CCDC91: variants seen among roughly 807,000 people sequenced by gnomAD.
The protein encoded by CCDC91 is coiled-coil domain-containing protein 91.
A neutral mutation model predicts 63.2 loss-of-function variants in CCDC91; 48 were observed. The observed-to-expected ratio is 0.76, with a 90% CI of 0.60 to 0.97. CCDC91 has a LOEUF of 0.97. CCDC91 is among the 50% of genes least tolerant of loss of function. The pLI, the probability that CCDC91 is intolerant of heterozygous loss-of-function variation, is 0.00. For missense variants in CCDC91, 500 were observed against 494.6 expected (o/e 1.01, Z -0.10); for synonymous variants, 167 against 165.8 (o/e 1.01, Z -0.06).
intron 6 of CCDC91, among the ~76,000 whole-genome samples, chr12:28,354,431 T>G (rs1250410201): frequency 6.6e-6 from 1 of 152,134 alleles, no homozygotes; most frequent in African/African-American, 2.4e-5. Context: ...CTTAACTAAT[T>G]GTATCTACAA....
intron 8 of CCDC91, among the ~76,000 whole-genome samples, chr12:28,423,057 A>G (rs1948105476): frequency 1.3e-5 from 2 of 152,126 alleles, no homozygotes; most frequent in Non-Finnish European, 2.9e-5. Flanking sequence ...AAGAAAACAG[A>G]AACTCTAGAG....
rs1592931628 is a variant in CCDC91, at chr12:28,519,122, G to T, written c.1216-29941G>T. On this transcript the variant is annotated intron_variant, in intron 12 of 12. Transcript: ENST00000536442. ...TTTTGATAGGAATTGCATTGAATTT[G>T]TAGATTGCTTTTGGCAGTATGATCA... is the stretch of plus-strand genomic sequence containing the variant. Among the ~76,000 whole-genome samples the T allele has an allele frequency of 2.0e-5, 3 of 151,894 alleles. No homozygotes were observed. In the East Asian group the frequency reaches 5.8e-4, roughly 29 times the overall value.
intron 12 of CCDC91, among the ~76,000 whole-genome samples, chr12:28,548,200 C>G (rs1428280610): frequency 6.6e-6 from 1 of 152,020 alleles, no homozygotes; most frequent in Non-Finnish European, 1.5e-5. Context: ...TTAAAACATC[C>G]TAATAAAACA....
intron 3 of CCDC91, among the ~76,000 whole-genome samples, chr12:28,273,898 G>A (rs973890740): frequency 3.9e-5 from 6 of 152,112 alleles, no homozygotes; most frequent in Non-Finnish European, 5.9e-5. Context: ...CGGTGTTTTT[G>A]ACATGAAGTC....
intron 1 of CCDC91, among the ~76,000 whole-genome samples, chr12:28,232,058 T>C (rs1944636167): frequency 6.6e-6 from 1 of 152,178 alleles, no homozygotes; most frequent in Non-Finnish European, 1.5e-5. Flanking sequence ...GCCAGGTACA[T>C]TGATGTCAGT....
In CCDC91 at chr12:28,201,152, C is replaced by T. The variant is rs879956214; in HGVS notation, c.-15+10511C>T. 2.5e-4 allele frequency among the ~76,000 whole-genome samples: 38 copies of T among 149,878 alleles called. 1 individual carries two copies. Among genetic ancestry groups the T allele is most frequent in the Non-Finnish European group, 4.6e-4 (31 of 67,250 alleles). On this transcript the variant is annotated intron_variant, in intron 1 of 12. Coordinates refer to ENST00000536442, the MANE Select transcript of CCDC91 (RefSeq NM_018318.5). ...GGCTGACCCCCACCTCCCTCCCGGA[C>T]GAGGTGGCTGCTGGGCGGAGACGCT... is the stretch of plus-strand genomic sequence containing the variant.
At chr12:28,231,847 G>C (rs528492674) in intron 1 of CCDC91, among the ~76,000 whole-genome samples, 84 of 152,260 alleles carry the variant, frequency 5.5e-4, no homozygotes, top group African/African-American at 1.8e-3. Context: ...TTTATGTTAA[G>C]TGAATCTGAT....
chr12:28,353,716 C>G (rs1210141818), intron 6 of CCDC91, among the ~76,000 whole-genome samples: 5 of 152,022 alleles, frequency 3.3e-5, no homozygotes, highest in African/African-American at 1.2e-4. Context: ...CACCTGAAAA[C>G]AATAGTAACA....
At chr12:28,490,965 C>A (rs1161825251) in intron 12 of CCDC91, among the ~76,000 whole-genome samples, 2 of 151,672 alleles carry the variant, frequency 1.3e-5, no homozygotes, top group African/African-American at 2.4e-5. Context: ...AAAGATAAAG[C>A]CCAATGCTTA....
At chr12:28,392,341 G>A (rs1360235102) in intron 8 of CCDC91, among the ~76,000 whole-genome samples, 1 of 152,114 alleles carries the variant, frequency 6.6e-6, no homozygotes, top group Non-Finnish European at 1.5e-5. Flanking sequence ...AATAGCAAAA[G>A]TTTATATTTT....
In CCDC91 at chr12:28,452,598, GA is replaced by G; in HGVS notation, c.1050del (p.Val351TyrfsTer15). 1.3e-6 allele frequency: 2 copies of G among 1,578,006 alleles called. No individual in the cohort carries two copies. The highest frequency in any genetic ancestry group is 1.2e-5 in the South Asian group (1 of 84,200). ...LWKTEHAKDQ[E>X]KVSQEIQKAI... ...GAAGACAGAACATGCAAAAGATCAA[GA>G]AAAAGTATCTCAGGAAATTCAAAAA... On this transcript the variant is annotated frameshift_variant, in exon 11 of 13. Coordinates refer to ENST00000536442, the MANE Select transcript of CCDC91 (RefSeq NM_018318.5). LOFTEE classifies it high-confidence loss of function.
chr12:28,252,068 T>A (rs554124510), intron 1 of CCDC91, among the ~76,000 whole-genome samples: 3 of 152,270 alleles, frequency 2.0e-5, no homozygotes, highest in Non-Finnish European at 4.4e-5. Flanking sequence ...TAGAATTCCA[T>A]GCTGTAAATC....
At chr12:28,345,780 C>T (rs969229958) in intron 6 of CCDC91, among the ~76,000 whole-genome samples, 12 of 152,058 alleles carry the variant, frequency 7.9e-5, no homozygotes, top group African/African-American at 1.9e-4. Context: ...CTTGATTTTT[C>T]GGATCTTATG....
At chr12:28,337,067 C>T (rs975364476) in intron 6 of CCDC91, among the ~76,000 whole-genome samples, 5 of 152,004 alleles carry the variant, frequency 3.3e-5, no homozygotes, top group East Asian at 1.9e-4. Context: ...AGTTACTAAG[C>T]GTTAGTAAAG....
intron 1 of CCDC91, among the ~76,000 whole-genome samples, chr12:28,237,229 T>TACACACAC (rs1354315062): frequency 8.6e-5 from 2 of 23,256 alleles, no homozygotes; most frequent in Non-Finnish European, 2.6e-4. Flanking sequence ...ACATGTGTAT[T>TACACACAC]ACACATACAC....
intron 10 of CCDC91, among the ~76,000 whole-genome samples, chr12:28,451,787 C>G (rs1467128017): frequency 2.6e-5 from 4 of 151,522 alleles, no homozygotes; most frequent in Non-Finnish European, 5.9e-5. Context: ...AGAACTAGTC[C>G]TTGTCAAGTT....
intron 6 of CCDC91, among the ~76,000 whole-genome samples, chr12:28,312,296 G>C (rs1008598275): frequency 7.3e-5 from 11 of 151,688 alleles, no homozygotes; most frequent in Non-Finnish European, 1.5e-4. Flanking sequence ...CGAAATGGGA[G>C]ATAATACATA....
At chr12:28,528,678 G>A (rs1941484119) in intron 12 of CCDC91, among the ~76,000 whole-genome samples, 1 of 152,138 alleles carries the variant, frequency 6.6e-6, no homozygotes, top group Admixed American at 6.6e-5. Flanking sequence ...CCCCACTGAA[G>A]GTTTTTGAGC....
intron 6 of CCDC91, among the ~76,000 whole-genome samples, chr12:28,311,980 G>C (rs1269420449): frequency 6.6e-6 from 1 of 151,958 alleles, no homozygotes; most frequent in Non-Finnish European, 1.5e-5. Context: ...CCTTCCCTCT[G>C]CATTCCAGAA....
Sources: allele counts gnomAD v4.1 joint callset (sites outside exome capture counted in the v4.1 genomes callset), GRCh38; gene constraint gnomAD v4.1.1; transcripts MANE v1.5; gene names NCBI Gene and HGNC (gene_info 2026-07-23, HGNC 2026-07-21).